FLII: variants seen among roughly 807,000 people sequenced by gnomAD.
The protein encoded by FLII is FLII actin remodeling protein.
In FLII, 101 loss-of-function variants were observed where a neutral mutation model predicts 156.2. That is an observed-to-expected ratio of 0.65 (90% confidence interval 0.55 to 0.76). The LOEUF is 0.76. Among genes scored for constraint, FLII ranks in the 30% least tolerant of loss-of-function variants. The pLI is 0.00. For synonymous variants in FLII, 767 were observed against 685.8 expected (o/e 1.12, Z -1.85); for missense variants, 1,675 against 1,682.8 (o/e 1.00, Z 0.08).
In FLII at chr17:18,245,818, G is replaced by A; in HGVS notation, c.3429C>T (p.Phe1143=). Residue 1143 remains phenylalanine (F), a synonymous_variant, in exon 27 of 30, where the codon TTC becomes TTT. Coordinates refer to ENST00000327031, the MANE Select transcript of FLII (RefSeq NM_002018.4). The part of the protein sequence containing the change: ...VINEGEEPEN[F]FWVGIGAQKP... ...TCTGTGCCCCAATGCCCACCCAGAA[G>A]AAGTTCTCAGGCTCCTCACCTTCGT... is the stretch of plus-strand genomic sequence containing the variant. 11 of 1,613,958 alleles carry A rather than the reference G, an allele frequency of 6.8e-6. No individual in the cohort carries two copies. Among genetic ancestry groups the A allele is most frequent in the Non-Finnish European group, 9.3e-6 (11 of 1,179,982 alleles).
Position 18,251,777 on chromosome 17 carries a change from C to T in FLII, c.1286G>A (p.Arg429Gln), listed in dbSNP as rs775387585. 4 of 1,613,804 alleles carry T rather than the reference C, an allele frequency of 2.5e-6. No individual in the cohort carries two copies. The highest frequency in any genetic ancestry group is 1.1e-5 in the South Asian group (1 of 91,086). ...GPKDPMARKM[R>Q]LRRRKDSAQD... ...GGCTGAATCCTTGCGCCTCCGCAGT[C>T]GCATCTTGCGAGCCATAGGGTCCTT... is the stretch of plus-strand genomic sequence containing the variant. Residue 429 changes from arginine (R) to glutamine (Q), a missense_variant, in exon 12 of 30, where the codon CGA becomes CAA. Transcript: ENST00000327031.
chr17:18,252,948 C>G (rs1348538283), intron 9 of FLII, among the ~76,000 whole-genome samples: 7 of 152,138 alleles, frequency 4.6e-5, no homozygotes, highest in Non-Finnish European at 2.9e-5. Flanking sequence ...GACAGGCATT[C>G]AAGACCAGCC....
chr17:18,252,987 C>T (rs984406118), intron 9 of FLII, among the ~76,000 whole-genome samples: 17 of 151,948 alleles, frequency 1.1e-4, no homozygotes, highest in Admixed American at 5.2e-4. Context: ...CCCATCTCTA[C>T]TAAAAATACA....
In FLII at chr17:18,248,851, A is replaced by AT; in HGVS notation, c.1966dup (p.Ile656AsnfsTer25). The AT allele has an allele frequency of 1.2e-6, 2 of 1,613,918 alleles. No homozygotes were observed. Among genetic ancestry groups the AT allele is most frequent in the Non-Finnish European group, 1.7e-6 (2 of 1,179,922 alleles). On this transcript the variant is annotated frameshift_variant, in exon 17 of 30. Transcript: ENST00000327031. LOFTEE classifies it high-confidence loss of function. ...GGCCTGGGCCCCCCGCCATACGTAG[A>AT]TGTCTAGCCCTCGGTCCAGCAGGAA...
intron 5 of FLII, 24 bp downstream of exon 5, chr17:18,254,738 ACCTGCCC>A (rs1157978421): frequency 1.2e-6 from 2 of 1,613,758 alleles, no homozygotes; most frequent in Non-Finnish European, 1.7e-6. Flanking sequence ...CACAGGGCCC[ACCTGCCC>A]CCTGCCCCCC....
rs751506368 is a variant in FLII, at chr17:18,247,368, G to C, written c.2488-11C>G. On this transcript the variant is annotated splice_polypyrimidine_tract_variant and intron_variant, in intron 20 of 29. Transcript: ENST00000327031. ...CTTGGCCTTGAACACCTGCCAGGGA[G>C]GCCATCAACTAACCATGAGGGGTGC... 4 of 1,593,628 alleles carry C rather than the reference G, an allele frequency of 2.5e-6. No homozygotes were observed. Among genetic ancestry groups the C allele is most frequent in the Non-Finnish European group, 3.4e-6 (4 of 1,170,538 alleles).
intron 27 of FLII, 32 bp from the exon 28 acceptor site, chr17:18,245,692 G>A (rs764377652): frequency 2.5e-6 from 4 of 1,611,664 alleles, no homozygotes; most frequent in South Asian, 2.2e-5. Flanking sequence ...GAGGCCAGAG[G>A]TCATAAGCAG....
intron 4 of FLII, 44 bp downstream of exon 4, chr17:18,255,139 T>C: frequency 6.9e-7 from 1 of 1,446,054 alleles, no homozygotes; most frequent in East Asian, 2.3e-5. Flanking sequence ...GGGGATTGAA[T>C]GGTCCGGCTA....
At position 18,246,896 on chromosome 17, in the gene FLII, G is replaced by C. The variant is rs369002169; in HGVS notation, c.2816+17C>G. 6 of 1,614,060 alleles carry C rather than the reference G, an allele frequency of 3.7e-6. No individual in the cohort carries two copies. Among genetic ancestry groups the C allele is most frequent in the South Asian group, 1.1e-5 (1 of 91,090 alleles). ...CACCAGGGGAGGGACTTGGGGAAGG[G>C]AGTGCTGAGGTGGTACCTGCAGAGG... On this transcript the variant is annotated intron_variant, in intron 22 of 29. Coordinates refer to ENST00000327031, the MANE Select transcript of FLII (RefSeq NM_002018.4).
At chr17:18,258,753 G>A, upstream of FLII, 3 of 1,210,698 alleles carry the variant, frequency 2.5e-6, no homozygotes, top group East Asian at 3.4e-5. The surrounding 1 kb of genome is among the most constrained non-coding windows in gnomAD (Gnocchi z 4.2). Context: ...GCGCTGGGGG[G>A]AGCCGCGGGC....
rs537633078 is a variant in FLII at position 18,246,167 on chromosome 17, G to A, written c.3262C>T (p.Leu1088Phe). Residue 1088 changes from leucine to phenylalanine, a missense_variant, in exon 25 of 30, where the codon CTC (leucine) becomes TTC (phenylalanine). By Grantham distance (22) the Leu-to-Phe change is conservative. Coordinates refer to ENST00000327031, the MANE Select transcript of FLII (RefSeq NM_002018.4). ...SLLNSEFCFI[L>F]KVPFESEDNQ... ...GCTCACACCCACAACCCCACCTTGA[G>A]GATGAAGCAGAACTCGGAGTTGAGG... 1.4e-5 allele frequency: 23 copies of A among 1,614,052 alleles called. No homozygotes were observed. The highest frequency in any genetic ancestry group is 1.9e-5 in the Non-Finnish European group (23 of 1,180,054).
At chr17:18,252,269 T>G in intron 10 of FLII, 123 bp from the exon 11 acceptor site, 1 of 983,558 alleles carries the variant, frequency 1.0e-6, no homozygotes, top group Non-Finnish European at 1.6e-6. Context: ...TGGGTTCTCC[T>G]CCCACCCACC....
intron 6 of FLII, 49 bp from the exon 7 acceptor site, chr17:18,254,231 T>A: frequency 6.9e-7 from 1 of 1,449,562 alleles, no homozygotes; most frequent in Non-Finnish European, 9.4e-7. Context: ...CTAGGGAGTG[T>A]TAAGGGTGGG....
intron 2 of FLII, 77 bp from the exon 3 acceptor site, chr17:18,256,674 C>A: frequency 3.8e-6 from 5 of 1,326,876 alleles, no homozygotes; most frequent in Non-Finnish European, 5.3e-6. Flanking sequence ...CACAACTCTG[C>A]ACCATCCAGG....
rs2048071230 is a variant in FLII, at chr17:18,246,717, T to C, written c.2928A>G (p.Pro976=). 6.2e-7 allele frequency: 1 copy of C among 1,613,536 alleles called. No individual in the cohort carries two copies. Among genetic ancestry groups the C allele is most frequent in the African/African-American group, 1.3e-5 (1 of 75,044 alleles). The stretch of plus-strand genomic sequence containing the variant: ...ACACGATGCACTGGAAGTCCTCCTC[T>C]GGCTGCTTCTCCTCTGCCTCAGCGG... ...EATAEAEEKQ[P]EEDFQCIVYF... Residue 976 remains proline, a synonymous_variant, in exon 23 of 30, where the codon CCA becomes CCG. Transcript: ENST00000327031.
Position 18,246,724 on chromosome 17 carries a change from T to G in FLII, c.2921A>C (p.Lys974Thr). The G allele has an allele frequency of 6.2e-7, 1 of 1,613,520 alleles. No individual in the cohort carries two copies. Among genetic ancestry groups the G allele is most frequent in the South Asian group, 1.1e-5 (1 of 90,964 alleles). ...GCACTGGAAGTCCTCCTCTGGCTGC[T>G]TCTCCTCTGCCTCAGCGGTTGCTTC... The part of the protein sequence containing the change: ...GEEATAEAEE[K>T]QPEEDFQCIV... Residue 974 changes from lysine (K) to threonine (T), a missense_variant, in exon 23 of 30, where the codon AAG becomes ACG. Physicochemically the swap from Lys to Thr is moderately conservative, Grantham distance 78. Transcript: ENST00000327031.
chr17:18,252,576 C>A lies in FLII; in HGVS notation c.1014-20G>T. ...GGGCACCTGTGAAGACAGGGCCAGCCAGGGCCTCAGGCAGGTGACAGACAA... is the reference window on the plus strand; with the variant it reads ...GGGCACCTGTGAAGACAGGGCCAGCAAGGGCCTCAGGCAGGTGACAGACAA... On this transcript the variant is annotated intron_variant, in intron 9 of 29. Coordinates refer to ENST00000327031, the MANE Select transcript of FLII (RefSeq NM_002018.4). The A allele has an allele frequency of 1.2e-6, 2 of 1,604,034 alleles. No homozygotes were observed. Among genetic ancestry groups the A allele is most frequent in the Non-Finnish European group, 1.7e-6 (2 of 1,171,514 alleles).
chr17:18,249,233 G>T, intron 15 of FLII, 32 bp from the exon 16 acceptor site: 1 of 1,612,582 alleles, frequency 6.2e-7, no homozygotes. Flanking sequence ...CTCAGTGTAG[G>T]CACCAAGGGC....
At chr17:18,254,430 G>A (rs1372850591) in intron 6 of FLII, 91 bp downstream of exon 6, 2 of 1,329,998 alleles carry the variant, frequency 1.5e-6, no homozygotes, top group East Asian at 5.0e-5. Context: ...CTGGGCCTAA[G>A]GGAGAAGGGT....
Sources: allele counts gnomAD v4.1 joint callset (sites outside exome capture counted in the v4.1 genomes callset), GRCh38; gene constraint gnomAD v4.1.1; non-coding constraint Gnocchi (gnomAD v3.1); transcripts MANE v1.5; gene names NCBI Gene and HGNC (gene_info 2026-07-23, HGNC 2026-07-21).